SAMD12: variants seen among roughly 807,000 people sequenced by gnomAD.
SAMD12 encodes sterile alpha motif domain-containing protein 12.
A neutral mutation model predicts 15.0 loss-of-function variants in SAMD12; 9 were observed. That is an observed-to-expected ratio of 0.60 (90% CI 0.36 to 1.05). The LOEUF (loss-of-function observed/expected upper bound fraction) is 1.05. Among genes scored for constraint, SAMD12 ranks in the 50% least tolerant of loss-of-function variants. SAMD12 has a pLI of 0.01. For synonymous variants in SAMD12, 86 were observed against 90.1 expected (o/e 0.96, Z 0.25); for missense variants, 230 against 234.2 (o/e 0.98, Z 0.12).
chr8:118,399,903 C>T (rs1357914584), intron 3 of SAMD12, among the ~76,000 whole-genome samples: 2 of 152,088 alleles, frequency 1.3e-5, no homozygotes, highest in African/African-American at 4.8e-5. Flanking sequence ...GGTTACCTGT[C>T]TCTATAGTTA....
chr8:118,204,061 C>T (rs555600664), intron 4 of SAMD12, among the ~76,000 whole-genome samples: 1 of 152,124 alleles, frequency 6.6e-6, no homozygotes, highest in Non-Finnish European at 1.5e-5. Flanking sequence ...CTCCCCTCTT[C>T]TTCTCATCAT....
intron 4 of SAMD12, chr8:118,284,735 G>A (rs7842766): frequency 0.38 from 63,402 of 168,910 alleles, 15,154 homozygotes; most frequent in African/African-American, 0.7. Context: ...GAGGTCAGGA[G>A]ATCGAGACCA....
chr8:118,292,349 G>GACAGACACACACACACACACACAC (rs1814426054), intron 4 of SAMD12, among the ~76,000 whole-genome samples: 2 of 137,624 alleles, frequency 1.5e-5, no homozygotes, highest in Non-Finnish European at 3.1e-5. Flanking sequence ...CAAACACACA[G>GACAGACACACACACACACACACAC]ACACACACAC....
At chr8:118,420,750 G>GA (rs903726831) in intron 3 of SAMD12, among the ~76,000 whole-genome samples, 3 of 151,310 alleles carry the variant, frequency 2.0e-5, no homozygotes, top group East Asian at 1.9e-4. Context: ...ATGTAAAAAG[G>GA]AAAAAAAAGT....
chr8:118,384,138 G>A (rs1375593257), intron 3 of SAMD12, among the ~76,000 whole-genome samples: 4 of 152,130 alleles, frequency 2.6e-5, no homozygotes, highest in Admixed American at 1.3e-4. Context: ...AAGTGTCAAC[G>A]CAATTAGAGG....
intron 4 of SAMD12, among the ~76,000 whole-genome samples, chr8:118,366,885 AAAATAAAATAAAATAAAATAAAATAAAAT>A (rs147923493): frequency 0.28 from 25,713 of 90,594 alleles, 3,215 homozygotes; most frequent in African/African-American, 0.33. Flanking sequence ...ATAAAATAAT[AAAATAAAATAAAATAAAATAAAATAAAAT>A]AAAAATGAAC....
chr8:118,164,206 C>T, the SAMD12 span, among the ~76,000 whole-genome samples: 1 of 152,104 alleles, frequency 6.6e-6, no homozygotes, highest in African/African-American at 2.4e-5. Context: ...GACTTTTACC[C>T]CCTTGGCTTC....
intron 2 of SAMD12, among the ~76,000 whole-genome samples, chr8:118,533,393 G>T (rs1437010130): frequency 1.3e-5 from 2 of 152,214 alleles, no homozygotes; most frequent in South Asian, 2.1e-4. Flanking sequence ...GTGTGATGTG[G>T]TGCTGAGAAG....
At chr8:118,460,462 G>C (rs111709017) in intron 2 of SAMD12, among the ~76,000 whole-genome samples, 1 of 152,160 alleles carries the variant, frequency 6.6e-6, no homozygotes, top group African/African-American at 2.4e-5. Context: ...AGAGGAGTGA[G>C]TATACAGTAG....
intron 3 of SAMD12, among the ~76,000 whole-genome samples, chr8:118,385,992 G>A (rs1359773789): frequency 6.6e-6 from 1 of 152,182 alleles, no homozygotes; most frequent in South Asian, 2.1e-4. Flanking sequence ...AGAAAGATGA[G>A]TGCCTTTTTC....
intron 4 of SAMD12, among the ~76,000 whole-genome samples, chr8:118,232,299 G>A (rs1363438879): frequency 6.6e-6 from 1 of 152,116 alleles, no homozygotes; most frequent in Non-Finnish European, 1.5e-5. Flanking sequence ...GGGGATCAGA[G>A]GGATGTTGCC....
intron 3 of SAMD12, among the ~76,000 whole-genome samples, chr8:118,414,114 C>A (rs1189224437): frequency 6.6e-6 from 1 of 152,090 alleles, no homozygotes. Flanking sequence ...CAATATTTAC[C>A]AGGTGTTTGG....
the SAMD12 span, among the ~76,000 whole-genome samples, chr8:118,177,978 C>T: frequency 2.0e-5 from 3 of 152,272 alleles, no homozygotes; most frequent in East Asian, 5.8e-4. Context: ...AACCACTGTT[C>T]CTATGCTGAA....
intron 1 of SAMD12, among the ~76,000 whole-genome samples, chr8:118,613,312 T>C (rs1320165212): frequency 6.6e-6 from 1 of 152,186 alleles, no homozygotes; most frequent in Non-Finnish European, 1.5e-5. Flanking sequence ...TCAAAATTAA[T>C]AGTGAGTTTC....
At chr8:118,601,458 C>A (rs1827864109) in intron 1 of SAMD12, among the ~76,000 whole-genome samples, 1 of 152,072 alleles carries the variant, frequency 6.6e-6, no homozygotes, top group African/African-American at 2.4e-5. Context: ...AGACACCATA[C>A]CCTCCTCATT....
At chr8:118,608,203 C>T (rs1488141727) in intron 1 of SAMD12, among the ~76,000 whole-genome samples, 2 of 151,822 alleles carry the variant, frequency 1.3e-5, no homozygotes, top group Non-Finnish European at 2.9e-5. Flanking sequence ...TTTGCCTCCC[C>T]ATTTCATTAG....
chr8:118,611,452 C>A (rs957570271), intron 1 of SAMD12, among the ~76,000 whole-genome samples: 1 of 152,196 alleles, frequency 6.6e-6, no homozygotes, highest in African/African-American at 2.4e-5. Context: ...TCGACTGAGG[C>A]AAGGATTTGG....
At chr8:118,593,286 T>C (rs1366562935) in intron 1 of SAMD12, among the ~76,000 whole-genome samples, 1 of 152,142 alleles carries the variant, frequency 6.6e-6, no homozygotes, top group Non-Finnish European at 1.5e-5. Context: ...CTAAAAGTAG[T>C]TCAAAGTTCA....
chr8:118,260,193 C>T (rs1813045568), intron 4 of SAMD12, among the ~76,000 whole-genome samples: 1 of 152,180 alleles, frequency 6.6e-6, no homozygotes, highest in Non-Finnish European at 1.5e-5. Flanking sequence ...GTTCCATATA[C>T]CTTATGCTTT....
Sources: allele counts gnomAD v4.1 joint callset (sites outside exome capture counted in the v4.1 genomes callset), GRCh38; gene constraint gnomAD v4.1.1; transcripts MANE v1.5; gene names NCBI Gene and HGNC (gene_info 2026-07-23, HGNC 2026-07-21).